Variants in BCAS3 observed in about 807,000 individuals in gnomAD.
BCAS3 encodes BCAS3 microtubule associated cell migration factor.
BCAS3 carries 53 observed loss-of-function variants against 116.1 expected under a neutral mutation model. The observed-to-expected ratio is 0.46, with a 90% confidence interval of 0.37 to 0.57. The LOEUF (loss-of-function observed/expected upper bound fraction) is 0.57. BCAS3 is among the 20% of genes least tolerant of loss of function. BCAS3 has a pLI of 0.00. For missense variants in BCAS3, 917 were observed against 1,165.4 expected (o/e 0.79, Z 3.10); for synonymous variants, 391 against 408.2 (o/e 0.96, Z 0.51).
chr17:60,801,543 A>G (rs1351440721), intron 6 of BCAS3, among the ~76,000 whole-genome samples: 2 of 152,034 alleles, frequency 1.3e-5, no homozygotes, highest in African/African-American at 4.8e-5. Context: ...AACAGTAGTG[A>G]GAGTGGACAC....
At chr17:60,708,249 T>C (rs2037419175) in intron 4 of BCAS3, among the ~76,000 whole-genome samples, 1 of 148,196 alleles carries the variant, frequency 6.7e-6, no homozygotes, top group Non-Finnish European at 1.5e-5. Flanking sequence ...CACCTGAGCA[T>C]AGAAGGTTGA....
Position 61,144,681 on chromosome 17 carries a change from A to G in BCAS3, c.2425+60117A>G, listed in dbSNP as rs888083414. On this transcript the variant is annotated intron_variant, in intron 22 of 23. Transcript: ENST00000407086. The surrounding 1 kb of genome is among the most constrained non-coding windows in gnomAD (Gnocchi z 5.0). ...CAATATTTCTCTCGTGTTCTTGAGCATGTATTTAAGTTAGCTTTAGTTAAC... is the reference window on the plus strand; with the variant it reads ...CAATATTTCTCTCGTGTTCTTGAGCGTGTATTTAAGTTAGCTTTAGTTAAC... Among the ~76,000 whole-genome samples the G allele has an allele frequency of 6.6e-6, 1 of 152,342 alleles. No homozygotes were observed. The highest frequency in any genetic ancestry group is 1.9e-4 in the East Asian group (1 of 5,190).
intron 6 of BCAS3, among the ~76,000 whole-genome samples, chr17:60,795,734 GGCTGGAGTGCAGT>G (rs2047158629): frequency 6.6e-6 from 1 of 152,150 alleles, no homozygotes; most frequent in Admixed American, 6.5e-5. Context: ...GTGTTGCCCA[GGCTGGAGTGCAGT>G]GCTGTAATCT....
In BCAS3 at chr17:61,042,912, A is replaced by AAAAAAAG. The variant is rs1555682974; in HGVS notation, c.2029+2023_2029+2024insAAAGAAA. On this transcript the variant is annotated intron_variant, in intron 19 of 23. Coordinates refer to ENST00000407086, the MANE Select transcript of BCAS3 (RefSeq NM_017679.5). ...CTCACAAAAAAAAAAAAAAAAAAAA[A>AAAAAAAG]AAAGAAAGAAAGAAAGATCACTCTG... Among the ~76,000 whole-genome samples the AAAAAAAG allele has an allele frequency of 2.1e-3, 300 of 143,664 alleles. 3 individuals are homozygous for AAAAAAAG. The highest frequency in any genetic ancestry group is 7.0e-3 in the African/African-American group (261 of 37,264). The allele number at this position is 143,664 out of a possible 152,430, so 94.2% of individuals were successfully genotyped here.
chr17:61,292,171 C>T (rs1044911010), intron 22 of BCAS3, among the ~76,000 whole-genome samples: 2 of 152,044 alleles, frequency 1.3e-5, no homozygotes, highest in African/African-American at 4.8e-5. Flanking sequence ...TTGGCACCCA[C>T]CCACGCCTTC....
chr17:61,107,156 G>A (rs577058069), intron 22 of BCAS3, among the ~76,000 whole-genome samples: 8 of 135,400 alleles, frequency 5.9e-5, no homozygotes, highest in Non-Finnish European at 1.1e-4. Flanking sequence ...GTGTGATCTC[G>A]GCTCACTACA....
chr17:61,289,042 C>T (rs2052120183), intron 22 of BCAS3, among the ~76,000 whole-genome samples: 1 of 152,238 alleles, frequency 6.6e-6, no homozygotes, highest in Non-Finnish European at 1.5e-5. Context: ...GGGCAAGGCC[C>T]AACACAAGTG....
chr17:60,894,168 G>A lies in BCAS3; in HGVS notation c.738+4397G>A, dbSNP rs1381566843. ...TGTGCTGAATCTATAGATTTCTCTGGCCAGTATGGTCATTTAAATCATATT... is the reference window on the plus strand; with the variant it reads ...TGTGCTGAATCTATAGATTTCTCTGACCAGTATGGTCATTTAAATCATATT... On this transcript the variant is annotated intron_variant, in intron 10 of 23. Transcript: ENST00000407086. Among the ~76,000 whole-genome samples, 7 of 152,008 alleles carry A rather than the reference G, an allele frequency of 4.6e-5. No homozygotes were observed. In the East Asian group the frequency reaches 1.4e-3, roughly 29 times the overall value.
At chr17:61,143,166 C>A (rs926189217) in intron 22 of BCAS3, among the ~76,000 whole-genome samples, 6 of 152,094 alleles carry the variant, frequency 3.9e-5, no homozygotes, top group Non-Finnish European at 5.9e-5. Context: ...ACTCAACTTG[C>A]TTGCATTGTT....
At chr17:60,688,420 C>A (rs1225241091) in intron 3 of BCAS3, among the ~76,000 whole-genome samples, 2 of 152,042 alleles carry the variant, frequency 1.3e-5, no homozygotes, top group Admixed American at 6.6e-5. Context: ...CCATCTCAGC[C>A]TCCCTGGTAG....
intron 4 of BCAS3, among the ~76,000 whole-genome samples, chr17:60,701,299 A>G (rs75965812): frequency 0.036 from 5,466 of 152,268 alleles, 133 homozygotes; most frequent in Admixed American, 0.053. Flanking sequence ...CAAGTCGAGG[A>G]AGAGGAATGT....
Position 61,139,819 on chromosome 17 carries a change from A to C in BCAS3, c.2425+55255A>C, listed in dbSNP as rs949164095. On this transcript the variant is annotated intron_variant, in intron 22 of 23. Transcript: ENST00000407086. This position sits in a 1 kb window ranked among gnomAD's most constrained non-coding sequence, Gnocchi z 4.7. ...TCTCTCAGAATGCAAAGAAAGGTAA[A>C]ATTTGTTGTAATGGGTGATCAGAGA... Among the ~76,000 whole-genome samples, 1 of 152,146 alleles carries C rather than the reference A, an allele frequency of 6.6e-6. No individual in the cohort carries two copies. The highest frequency in any genetic ancestry group is 1.5e-5 in the Non-Finnish European group (1 of 68,010).
At chr17:60,867,854 G>A (rs2054754148) in intron 7 of BCAS3, among the ~76,000 whole-genome samples, 2 of 151,988 alleles carry the variant, frequency 1.3e-5, no homozygotes, top group Admixed American at 1.3e-4. Flanking sequence ...CCTGATTTTA[G>A]GGTCAGACCT....
chr17:61,026,271 A>G lies in BCAS3; in HGVS notation c.1638-8395A>G, dbSNP rs551714849. On this transcript the variant is annotated intron_variant, in intron 16 of 23. Transcript: ENST00000407086. The surrounding 1 kb of genome is among the most constrained non-coding windows in gnomAD (Gnocchi z 5.0). The stretch of plus-strand genomic sequence containing the variant: ...TTAGACCACTATTAAGAGATATCCT[A>G]ATTTCCTGGATTATGGCCAAAAATA... Among the ~76,000 whole-genome samples the G allele has an allele frequency of 2.6e-5, 4 of 152,152 alleles. No individual in the cohort carries two copies. In the South Asian group the frequency reaches 8.3e-4, roughly 32 times the overall value.
chr17:60,734,619 T>C (rs1311584608), intron 5 of BCAS3, among the ~76,000 whole-genome samples: 1 of 152,244 alleles, frequency 6.6e-6, no homozygotes, highest in Non-Finnish European at 1.5e-5. Flanking sequence ...TGTGCTATTA[T>C]GTCAAAGATC....
chr17:60,886,467 C>G (rs372312387), intron 9 of BCAS3: 3 of 152,202 alleles, frequency 2.0e-5, no homozygotes, highest in Non-Finnish European at 2.9e-5. Flanking sequence ...TCTCCATCCA[C>G]CTTTGTTCCG....
rs186127594 is a variant in BCAS3, at chr17:61,376,295, G to A, written c.2593+7801G>A. Among the ~76,000 whole-genome samples the A allele has an allele frequency of 1.6e-4, 24 of 152,274 alleles. No homozygotes were observed. Among genetic ancestry groups the A allele is most frequent in the South Asian group, 4.1e-4 (2 of 4,820 alleles). On this transcript the variant is annotated intron_variant, in intron 23 of 23. Coordinates refer to ENST00000407086, the MANE Select transcript of BCAS3 (RefSeq NM_017679.5). This position sits in a 1 kb window ranked among gnomAD's most constrained non-coding sequence, Gnocchi z 4.5. ...CACTGTTCCTGTCCTAAGCAAACCC[G>A]GAGGTTGTGTGAGCTGAAGATGCTG...
chr17:60,788,605 A>G (rs1338078126), intron 6 of BCAS3, among the ~76,000 whole-genome samples: 1 of 152,142 alleles, frequency 6.6e-6, no homozygotes, highest in African/African-American at 2.4e-5. Context: ...AGTTGAAACA[A>G]TTCAAGGTAA....
At position 61,141,942 on chromosome 17, in the gene BCAS3, A is replaced by G. The variant is rs909394610; in HGVS notation, c.2425+57378A>G. Among the ~76,000 whole-genome samples the G allele has an allele frequency of 1.3e-5, 2 of 151,714 alleles. No homozygotes were observed. The highest frequency in any genetic ancestry group is 2.4e-5 in the African/African-American group (1 of 41,404). On this transcript the variant is annotated intron_variant, in intron 22 of 23. Transcript: ENST00000407086. This position sits in a 1 kb window ranked among gnomAD's most constrained non-coding sequence, Gnocchi z 4.3. Reference sequence around the variant, plus strand: ...AAAAGTTAGACAATTATACAGAGATACTCAAGTTCTTGAAAGAAGTTTGTT... The same window carrying G: ...AAAAGTTAGACAATTATACAGAGATGCTCAAGTTCTTGAAAGAAGTTTGTT...
Sources: allele counts gnomAD v4.1 joint callset (sites outside exome capture counted in the v4.1 genomes callset), GRCh38; gene constraint gnomAD v4.1.1; non-coding constraint Gnocchi (gnomAD v3.1); transcripts MANE v1.5; gene names NCBI Gene and HGNC (gene_info 2026-07-23, HGNC 2026-07-21).